The following SCUBE1 variants were observed in gnomAD, a reference collection of about 807,000 sequenced individuals.
SCUBE1 encodes the protein signal peptide, CUB domain and EGF like domain containing 1.
SCUBE1 carries 59 observed loss-of-function variants against 124.4 expected under a neutral mutation model. That is an observed-to-expected ratio of 0.47 (90% CI 0.38 to 0.59). The LOEUF (loss-of-function observed/expected upper bound fraction) is 0.59, where lower values mean the gene tolerates loss of function less well. Ranked by LOEUF, SCUBE1 falls within the 20% of genes least tolerant of loss-of-function variation. The probability of loss-of-function intolerance (pLI) is 0.00; values close to 1 mark genes in which losing one functional copy is unlikely to be tolerated. For synonymous variants in SCUBE1, 545 were observed against 550.9 expected (o/e 0.99, Z 0.15); for missense variants, 1,150 against 1,371.2 (o/e 0.84, Z 2.55).
At position 43,258,170 on chromosome 22, in the gene SCUBE1, T is replaced by C. The variant is rs1250683500; in HGVS notation, c.727+49A>G. 3 of 1,049,924 alleles carry C rather than the reference T, an allele frequency of 2.9e-6. No homozygotes were observed. Among genetic ancestry groups the C allele is most frequent in the East Asian group, 3.9e-5 (1 of 25,562 alleles). The allele number at this position is 1,049,924 out of a possible 1,614,324, so 65.0% of individuals were successfully genotyped here. A position where few individuals can be genotyped will look rare whatever the true frequency, so the allele number is the denominator to read the frequency against. On this transcript the variant is annotated intron_variant, in intron 6 of 21. Coordinates refer to ENST00000360835, the MANE Select transcript of SCUBE1 (RefSeq NM_173050.5). The surrounding 1 kb of genome is among the most constrained non-coding windows in gnomAD (Gnocchi z 5.0). ...GCCCTGCTGGTGCACGCATGGGGGG[T>C]CGGGGGCGGGGGGCGCAAGGGTGGT...
At chr22:43,277,671 GAC>G (rs1257616065) in intron 4 of SCUBE1, among the ~76,000 whole-genome samples, 1 of 152,342 alleles carries the variant, frequency 6.6e-6, no homozygotes, top group African/African-American at 2.4e-5. Context: ...GTAGCTACAT[GAC>G]ACAGACTGTT....
In SCUBE1 at chr22:43,212,543, C is replaced by T. The variant is rs764735194; in HGVS notation, c.2103G>A (p.Gln701=). ...GCTGGTACGTGCCCACGGGGCAGGC[C>T]TGGCAGGGCTTGAAGCCATCGGCCG... is the stretch of plus-strand genomic sequence containing the variant. ...FFSADGFKPC[Q]ACPVGTYQPE... is the part of the protein sequence containing the mutation. Residue 701 remains glutamine (Q), a synonymous_variant, in exon 17 of 22, where the codon CAG becomes CAA. Transcript: ENST00000360835. 2 of 1,564,544 alleles carry T rather than the reference C, an allele frequency of 1.3e-6. No individual in the cohort carries two copies. Among genetic ancestry groups the T allele is most frequent in the African/African-American group, 1.4e-5 (1 of 73,534 alleles).
Position 43,339,138 on chromosome 22 carries a change from C to G in SCUBE1, c.186G>C (p.Lys62Asn). Residue 62 changes from lysine to asparagine, a missense_variant, in exon 2 of 22, where the codon AAG becomes AAC. Coordinates refer to ENST00000360835, the MANE Select transcript of SCUBE1 (RefSeq NM_173050.5). ...NTPKSYKCLC[K>N]PGYKGEGKQC... The stretch of plus-strand genomic sequence containing the variant: ...GCTTGCCTTCCCCCTTGTAGCCTGG[C>G]TTGCAGAGGCATTTGTAGGACTTGG... 1 of 1,613,928 alleles carries G rather than the reference C, an allele frequency of 6.2e-7. No homozygotes were observed. Among genetic ancestry groups the G allele is most frequent in the South Asian group, 1.1e-5 (1 of 91,082 alleles).
intron 2 of SCUBE1, among the ~76,000 whole-genome samples, chr22:43,324,786 G>T (rs7289622): frequency 0.011 from 1,653 of 151,762 alleles, 22 homozygotes; most frequent in African/African-American, 0.038. Context: ...TAAAGCAATG[G>T]AGGGGACAGA....
chr22:43,221,952 T>C (rs1281460130), intron 12 of SCUBE1, among the ~76,000 whole-genome samples: 1 of 152,032 alleles, frequency 6.6e-6, no homozygotes, highest in Non-Finnish European at 1.5e-5. Context: ...TAATCCCAGC[T>C]ACTCAGGAGG....
At chr22:43,315,197 A>C (rs1926303005) in intron 3 of SCUBE1, among the ~76,000 whole-genome samples, 1 of 152,132 alleles carries the variant, frequency 6.6e-6, no homozygotes, top group African/African-American at 2.4e-5. Context: ...CACAGAATTT[A>C]CATCTGTACA....
chr22:43,204,031 G>T lies in SCUBE1; in HGVS notation c.2933C>A (p.Ser978Tyr). 1 of 1,614,202 alleles carries T rather than the reference G, an allele frequency of 6.2e-7. No homozygotes were observed. Among genetic ancestry groups the T allele is most frequent in the East Asian group, 2.2e-5 (1 of 44,884 alleles). ...FPRSFIKLLRSKVSRFLRPYK is the reference protein window; with the variant it reads ...FPRSFIKLLRYKVSRFLRPYK ...GGGCCGCAGGAACCGAGACACTTTG[G>T]AGCGCAGCAGTTTGATGAAGGACCG... Residue 978 changes from serine to tyrosine, a missense_variant, in exon 22 of 22, where the codon TCC (serine) becomes TAC (tyrosine). Ser to Tyr is a moderately radical substitution (Grantham distance 144). Transcript: ENST00000360835.
chr22:43,289,985 A>C (rs921464227), intron 4 of SCUBE1, among the ~76,000 whole-genome samples: 7 of 152,120 alleles, frequency 4.6e-5, no homozygotes, highest in African/African-American at 1.7e-4. Context: ...CCTCCTTGTT[A>C]AGGGTCAGCA....
intron 3 of SCUBE1, among the ~76,000 whole-genome samples, chr22:43,294,833 C>T (rs1237978718): frequency 2.0e-5 from 3 of 152,214 alleles, no homozygotes; most frequent in Admixed American, 6.5e-5. Flanking sequence ...CCCCCAAGCC[C>T]TCACACAGAG....
intron 14 of SCUBE1, among the ~76,000 whole-genome samples, 160 bp downstream of exon 14, chr22:43,220,290 T>C (rs1000869379): frequency 1.3e-5 from 2 of 152,212 alleles, no homozygotes; most frequent in East Asian, 1.9e-4. Context: ...CTCCCTTTGC[T>C]TGTGGGCCTG....
At chr22:43,323,420 A>G (rs549531774) in intron 2 of SCUBE1, among the ~76,000 whole-genome samples, 2 of 152,186 alleles carry the variant, frequency 1.3e-5, no homozygotes, top group Non-Finnish European at 2.9e-5. Context: ...ATCCATCTAA[A>G]TATCCAGTGT....
rs535036039 is a variant in SCUBE1, at chr22:43,266,252, A to C, written c.485-3407T>G. Among the ~76,000 whole-genome samples, 374 of 152,220 alleles carry C rather than the reference A, an allele frequency of 2.5e-3. 3 individuals are homozygous for C. Among genetic ancestry groups the C allele is most frequent in the African/African-American group, 8.5e-3 (352 of 41,530 alleles). On this transcript the variant is annotated intron_variant, in intron 4 of 21. Coordinates refer to ENST00000360835, the MANE Select transcript of SCUBE1 (RefSeq NM_173050.5). ...CATGGTGAGGCTGTGGTCAGGCTGG[A>C]GTCTGCTCAGCTTGAGTGCTTCTGA...
In SCUBE1 at chr22:43,300,655, A is replaced by G. The variant is rs369185923; in HGVS notation, c.350-9475T>C. 5.3e-5 allele frequency among the ~76,000 whole-genome samples: 8 copies of G among 152,064 alleles called. No individual in the cohort carries two copies. In the East Asian group the frequency reaches 9.6e-4, roughly 18 times the overall value. Reference sequence around the variant, plus strand: ...GACCCTTACCAGATATATGATTGGCAAATACTTTTTCCTATTCTGTGGACA... The same window carrying G: ...GACCCTTACCAGATATATGATTGGCGAATACTTTTTCCTATTCTGTGGACA... On this transcript the variant is annotated intron_variant, in intron 3 of 21. Transcript: ENST00000360835.
chr22:43,340,540 G>C (rs1927279391), intron 1 of SCUBE1, among the ~76,000 whole-genome samples: 1 of 149,654 alleles, frequency 6.7e-6, no homozygotes, highest in African/African-American at 2.5e-5. Context: ...ACAGAGTTCA[G>C]GCAGGGAGGG....
chr22:43,263,218 C>G (rs1158209647), intron 4 of SCUBE1, among the ~76,000 whole-genome samples: 1 of 152,180 alleles, frequency 6.6e-6, no homozygotes, highest in East Asian at 1.9e-4. Context: ...CCGAGCCACC[C>G]ATGGTTCTAG....
At chr22:43,250,597 T>C (rs1369920949) in intron 6 of SCUBE1, among the ~76,000 whole-genome samples, 3 of 152,036 alleles carry the variant, frequency 2.0e-5, no homozygotes, top group Non-Finnish European at 4.4e-5. Context: ...GCCTCAGGGG[T>C]GCGGGGAGAG....
chr22:43,328,296 A>G (rs145695203), intron 2 of SCUBE1, among the ~76,000 whole-genome samples: 6 of 152,260 alleles, frequency 3.9e-5, no homozygotes, highest in Admixed American at 2.0e-4. Context: ...GCCAGGAGAG[A>G]CCACAGGGAA....
intron 14 of SCUBE1, among the ~76,000 whole-genome samples, chr22:43,219,794 G>A (rs933585517): frequency 6.6e-6 from 1 of 151,938 alleles, no homozygotes; most frequent in African/African-American, 2.4e-5. Context: ...CATTTCCTAA[G>A]CCCTCCCGTG....
At chr22:43,296,605 T>C (rs1925569250) in intron 3 of SCUBE1, among the ~76,000 whole-genome samples, 1 of 151,942 alleles carries the variant, frequency 6.6e-6, no homozygotes, top group Non-Finnish European at 1.5e-5. Context: ...GGAGGTAGAG[T>C]GGAGAGCGGG....
Sources: gnomAD v4.1 joint callset for allele counts (sites outside exome capture counted in the v4.1 genomes callset) on GRCh38, gnomAD v4.1.1 for gene constraint, Gnocchi (gnomAD v3.1) non-coding constraint, MANE v1.5 for transcripts, NCBI Gene and HGNC (gene_info 2026-07-23, HGNC 2026-07-21) for gene names.